The following ITGB8 variants were observed in gnomAD, a reference collection of about 807,000 sequenced individuals.
The protein encoded by ITGB8 is integrin beta-8.
A neutral mutation model predicts 89.5 loss-of-function variants in ITGB8; 30 were observed. That is an observed-to-expected ratio of 0.34 (90% CI 0.25 to 0.45). The LOEUF (loss-of-function observed/expected upper bound fraction) is 0.45, where lower values mean the gene tolerates loss of function less well. ITGB8 is among the 20% of genes least tolerant of loss of function. ITGB8 has a pLI of 1.00. For synonymous variants in ITGB8, 335 were observed against 320.4 expected (o/e 1.05, Z -0.49); for missense variants, 836 against 933.3 (o/e 0.90, Z 1.36).
intron 1 of ITGB8, among the ~76,000 whole-genome samples, chr7:20,333,237 G>C (rs1401091863): frequency 6.6e-6 from 1 of 152,122 alleles, no homozygotes; most frequent in African/African-American, 2.4e-5. Flanking sequence ...GATTTGCTCA[G>C]TTATCTGAAA....
In ITGB8 at chr7:20,331,351, G is replaced by C. The variant is rs1055255535; in HGVS notation, c.-456G>C. 7 of 394,006 alleles carry C rather than the reference G, an allele frequency of 1.8e-5. No individual in the cohort carries two copies. The highest frequency in any genetic ancestry group is 3.1e-5 in the Non-Finnish European group (7 of 223,900). 24.4% of individuals were successfully genotyped at this position (394,006 alleles called of 1,614,324 possible). A position where few individuals can be genotyped will look rare whatever the true frequency, so the allele number is the denominator to read the frequency against. On this transcript the variant is annotated 5_prime_UTR_variant, in exon 1 of 14. Coordinates refer to ENST00000222573, the MANE Select transcript of ITGB8 (RefSeq NM_002214.3). ...CCTCCCACAGATCCAGCATCACCCAGTGAATGTACATTAGGGTGGTTTCCC... is the reference window on the plus strand; with the variant it reads ...CCTCCCACAGATCCAGCATCACCCACTGAATGTACATTAGGGTGGTTTCCC...
chr7:20,374,969 C>T (rs1786078658), intron 3 of ITGB8, among the ~76,000 whole-genome samples: 1 of 151,926 alleles, frequency 6.6e-6, no homozygotes, highest in South Asian at 2.1e-4. Flanking sequence ...GGAAATAATC[C>T]AGGCAAAAAG....
intron 12 of ITGB8, 80 bp from the exon 13 acceptor site, chr7:20,409,535 T>C (rs112105278): frequency 1.1e-6 from 1 of 885,464 alleles, no homozygotes. Context: ...TTAATTGAAG[T>C]GTGAACATTA....
chr7:20,403,218 G>C (rs533374296), intron 10 of ITGB8, among the ~76,000 whole-genome samples: 3 of 152,258 alleles, frequency 2.0e-5, no homozygotes, highest in African/African-American at 7.2e-5. Flanking sequence ...GGGTAGGATG[G>C]ATTATAGATG....
intron 1 of ITGB8, among the ~76,000 whole-genome samples, chr7:20,351,718 C>G (rs1010132878): frequency 2.6e-5 from 4 of 152,164 alleles, no homozygotes; most frequent in African/African-American, 9.7e-5. Context: ...AGCACTAAAT[C>G]TCTTACAATA....
In ITGB8 at chr7:20,380,724, G is replaced by C; in HGVS notation, c.694G>C (p.Glu232Gln). 6.2e-7 allele frequency: 1 copy of C among 1,613,332 alleles called. No individual in the cohort carries two copies. The highest frequency in any genetic ancestry group is 8.5e-7 in the Non-Finnish European group (1 of 1,179,266). The change falls in exon 5 of 14, where the codon GAG becomes CAG. Residue 232 changes from glutamate (E) to glutamine (Q), a missense_variant. Physicochemically the swap from Glu to Gln is conservative, Grantham distance 29. Coordinates refer to ENST00000222573, the MANE Select transcript of ITGB8 (RefSeq NM_002214.3). The stretch of plus-strand genomic sequence containing the variant: ...ATACATCCATGTGCTGTCTTTGACA[G>C]AGAACATCACTGAGTTTGAGAAAGC... Reference protein sequence around the residue: ...HGYIHVLSLTENITEFEKAVH... With the variant: ...HGYIHVLSLTQNITEFEKAVH...
intron 1 of ITGB8, among the ~76,000 whole-genome samples, chr7:20,363,367 C>G (rs1043599880): frequency 2.6e-5 from 4 of 152,110 alleles, no homozygotes; most frequent in African/African-American, 9.7e-5. Context: ...AAGCCAGACC[C>G]CCAAACCTGA....
At chr7:20,350,998 G>GA (rs1244082020) in intron 1 of ITGB8, among the ~76,000 whole-genome samples, 1 of 152,318 alleles carries the variant, frequency 6.6e-6, no homozygotes, top group African/African-American at 2.4e-5. Flanking sequence ...GCATAGAAAG[G>GA]AAATGAATTC....
At chr7:20,385,805 CTGAGT>C (rs10571173) in intron 6 of ITGB8, among the ~76,000 whole-genome samples, 53,723 of 151,692 alleles carry the variant, frequency 0.35, 9,866 homozygotes, top group Non-Finnish European at 0.4. Flanking sequence ...ACTTTGCTAC[CTGAGT>C]TAACAAACGT....
intron 1 of ITGB8, among the ~76,000 whole-genome samples, chr7:20,344,810 G>A (rs928578666): frequency 2.6e-5 from 4 of 152,204 alleles, no homozygotes; most frequent in African/African-American, 4.8e-5. Flanking sequence ...GATGTTTTGG[G>A]CAATGCAGGG....
chr7:20,392,592 G>A (rs552817171), intron 7 of ITGB8, among the ~76,000 whole-genome samples: 2 of 151,590 alleles, frequency 1.3e-5, no homozygotes, highest in South Asian at 2.1e-4. Flanking sequence ...TTGTGTAGTG[G>A]TGAAGTCAGG....
intron 11 of ITGB8, among the ~76,000 whole-genome samples, chr7:20,405,314 A>AAG (rs1554314508): frequency 2.1e-5 from 3 of 145,504 alleles, no homozygotes; most frequent in Non-Finnish European, 3.0e-5. Context: ...TTTTATATTT[A>AAG]ATATATATAT....
At chr7:20,351,002 T>G (rs1198451016) in intron 1 of ITGB8, among the ~76,000 whole-genome samples, 1 of 152,242 alleles carries the variant, frequency 6.6e-6, no homozygotes, top group African/African-American at 2.4e-5. Flanking sequence ...AGAAAGGAAA[T>G]GAATTCTGAA....
intron 3 of ITGB8, among the ~76,000 whole-genome samples, chr7:20,367,837 G>C (rs1326497482): frequency 2.0e-5 from 3 of 152,130 alleles, no homozygotes; most frequent in Non-Finnish European, 4.4e-5. Flanking sequence ...TTTGGCCTAT[G>C]TTGTAGGCCA....
chr7:20,407,930 T>G (rs528824519), intron 12 of ITGB8, among the ~76,000 whole-genome samples: 18 of 152,296 alleles, frequency 1.2e-4, no homozygotes, highest in African/African-American at 4.3e-4. Flanking sequence ...TTAGAAATAT[T>G]TCTAAAATGT....
At chr7:20,385,266 T>C (rs3807947) in intron 6 of ITGB8, among the ~76,000 whole-genome samples, 1 of 152,038 alleles carries the variant, frequency 6.6e-6, no homozygotes, top group Non-Finnish European at 1.5e-5. Flanking sequence ...TTTTCAGATG[T>C]TGATGTGACT....
intron 1 of ITGB8, among the ~76,000 whole-genome samples, chr7:20,341,951 G>A (rs1449339562): frequency 1.3e-5 from 2 of 151,894 alleles, no homozygotes; most frequent in African/African-American, 4.8e-5. Flanking sequence ...AGAAAAGTTG[G>A]GTCAGCCAGA....
chr7:20,393,941 T>A (rs1786966665), intron 7 of ITGB8, among the ~76,000 whole-genome samples: 1 of 152,176 alleles, frequency 6.6e-6, no homozygotes, highest in Non-Finnish European at 1.5e-5. Context: ...ATGTACAGTG[T>A]TTAGTGAAGA....
intron 11 of ITGB8, among the ~76,000 whole-genome samples, chr7:20,405,542 T>C (rs959811635): frequency 1.3e-5 from 2 of 151,098 alleles, no homozygotes; most frequent in Admixed American, 1.3e-4. Flanking sequence ...ATGGTCTCAA[T>C]CTCCTGACCT....
Sources: allele counts gnomAD v4.1 joint callset (sites outside exome capture counted in the v4.1 genomes callset), GRCh38; gene constraint gnomAD v4.1.1; transcripts MANE v1.5; gene names NCBI Gene and HGNC (gene_info 2026-07-23, HGNC 2026-07-21).